ZNF263: variants seen among roughly 807,000 people sequenced by gnomAD.
The protein encoded by ZNF263 is zinc finger protein 263, also known as zinc finger protein FPM315.
A neutral mutation model predicts 63.1 loss-of-function variants in ZNF263; 49 were observed. The observed-to-expected ratio is 0.78, with a 90% confidence interval of 0.62 to 0.99. The LOEUF (loss-of-function observed/expected upper bound fraction) is 0.99, where lower values mean the gene tolerates loss of function less well. ZNF263 is among the 50% of genes least tolerant of loss of function. ZNF263 has a pLI of 0.00. For missense variants in ZNF263, 872 were observed against 854.8 expected, an observed-to-expected ratio of 1.02 and a Z score of -0.25; for synonymous variants, 352 against 324.2, an observed-to-expected ratio of 1.09 and a Z score of -0.92.
intron 2 of ZNF263, chr16:3,299,399 T>C: frequency 1.3e-6 from 2 of 1,555,158 alleles, no homozygotes; most frequent in East Asian, 4.6e-5. Context: ...TCAGGTTCCT[T>C]TTTGTAAAGA....
exon 3 of ZNF263, chr16:3,301,280 T>C (rs1295618543): frequency 6.0e-6 from 1 of 167,106 alleles, no homozygotes; most frequent in Non-Finnish European, 1.5e-5. Flanking sequence ...TTGGGATGTA[T>C]GGAGAGTTGG....
intron 2 of ZNF263, chr16:3,299,237 C>T: frequency 6.2e-7 from 1 of 1,610,886 alleles, no homozygotes; most frequent in Non-Finnish European, 8.5e-7. Flanking sequence ...TGAACAACTT[C>T]CTTTGTTATT....
intron 2 of ZNF263, chr16:3,299,717 C>T (rs1258469508): frequency 6.5e-7 from 1 of 1,535,314 alleles, no homozygotes; most frequent in Non-Finnish European, 8.7e-7. Flanking sequence ...GAAGGATGAG[C>T]CGGGCAACTG....
rs1182207603 is a variant in ZNF263, at chr16:3,283,741, C to T, written c.-78C>T. On this transcript the variant is annotated 5_prime_UTR_variant, in exon 1 of 6. Transcript: ENST00000219069. ...GGCCCCGGGCTCCTGCTGGCGCCGT[C>T]CAACCTTACATGGGTTCAGGGCGCC... 2 of 1,429,846 alleles carry T rather than the reference C, an allele frequency of 1.4e-6. No homozygotes were observed. Among genetic ancestry groups the T allele is most frequent in the Non-Finnish European group, 1.8e-6 (2 of 1,095,512 alleles). 88.6% of individuals were successfully genotyped at this position (1,429,846 alleles called of 1,614,324 possible). A position where few individuals can be genotyped will look rare whatever the true frequency, so the allele number is the denominator to read the frequency against.
chr16:3,290,070 G>A lies in ZNF263; in HGVS notation c.1564G>A (p.Glu522Lys), dbSNP rs142452283. The A allele has an allele frequency of 2.4e-5, 38 of 1,613,960 alleles. No individual in the cohort carries two copies. In the African/African-American group the frequency reaches 2.8e-4, roughly 12 times the overall value. ...HTGERPYKCP[E>K]CGKSFSRSSH... ...TGGAGAGCGACCTTATAAGTGTCCC[G>A]AGTGTGGGAAAAGTTTCTCTCGGAG... is the stretch of plus-strand genomic sequence containing the variant. Residue 522 changes from glutamate (E) to lysine (K), a missense_variant, in exon 6 of 6, where the codon GAG becomes AAG. Transcript: ENST00000219069.
chr16:3,299,028 T>C, intron 1 of ZNF263: 2 of 1,378,164 alleles, frequency 1.5e-6, no homozygotes, highest in Middle Eastern at 1.9e-4. Context: ...GAGGCCTAGG[T>C]TTCAAAAAGC....
Position 3,285,043 on chromosome 16 carries a change from G to A in ZNF263, c.388-16G>A, listed in dbSNP as rs749001124. ...GGGCCCTGTTGTGATGATGAGTGAT[G>A]TGGGTTGGTTCCCAGGTCACAAACC... On this transcript the variant is annotated splice_polypyrimidine_tract_variant and intron_variant, in intron 1 of 5. Coordinates refer to ENST00000219069, the MANE Select transcript of ZNF263 (RefSeq NM_005741.5). 2 of 1,613,662 alleles carry A rather than the reference G, an allele frequency of 1.2e-6. No individual in the cohort carries two copies. Among genetic ancestry groups the A allele is most frequent in the Non-Finnish European group, 1.7e-6 (2 of 1,179,692 alleles).
At chr16:3,291,919 G>A (rs750686827), downstream of ZNF263, among the ~76,000 whole-genome samples, 42 of 152,186 alleles carry the variant, frequency 2.8e-4, no homozygotes, top group Non-Finnish European at 3.1e-4. Context: ...AGGAGATGGC[G>A]CAATTATTAA....
chr16:3,294,890 T>A (rs1959703998), downstream of ZNF263, among the ~76,000 whole-genome samples: 1 of 152,160 alleles, frequency 6.6e-6, no homozygotes, highest in South Asian at 2.1e-4. Flanking sequence ...TTAAGGAGTA[T>A]CGTTCTGAAG....
In ZNF263 at chr16:3,285,022, C is replaced by G. The variant is rs998561144; in HGVS notation, c.388-37C>G. 11 of 1,610,186 alleles carry G rather than the reference C, an allele frequency of 6.8e-6. No individual in the cohort carries two copies. The African/African-American group carries it at 1.5e-4, about 22-fold the overall frequency. On this transcript the variant is annotated intron_variant, in intron 1 of 5. Transcript: ENST00000219069. Reference sequence around the variant, plus strand: ...ATACTAATTTCCCTTCCTCTTGGGCCCTGTTGTGATGATGAGTGATGTGGG... The same window carrying G: ...ATACTAATTTCCCTTCCTCTTGGGCGCTGTTGTGATGATGAGTGATGTGGG...
chr16:3,300,093 T>G (rs1403738066), intron 2 of ZNF263: 1 of 1,614,108 alleles, frequency 6.2e-7, no homozygotes, highest in Admixed American at 1.7e-5. Context: ...CCCCACTGTA[T>G]AGCTGAGCTA....
intron 4 of ZNF263, chr16:3,286,594 A>G (rs1206650952): frequency 6.5e-6 from 1 of 153,350 alleles, no homozygotes; most frequent in African/African-American, 2.4e-5. Flanking sequence ...TAGTAGGATC[A>G]ACATTCCAGC....
chr16:3,300,743 T>TG, intron 2 of ZNF263: 7 of 1,419,952 alleles, frequency 4.9e-6, no homozygotes, highest in Non-Finnish European at 5.6e-6. Flanking sequence ...GGCATTGTAT[T>TG]GGAGGATAAT....
At chr16:3,287,053 C>G (rs946944310) in intron 4 of ZNF263, among the ~76,000 whole-genome samples, 3 of 152,174 alleles carry the variant, frequency 2.0e-5, no homozygotes, top group Non-Finnish European at 4.4e-5. Context: ...GCACCTCAAC[C>G]AGGTGACAGA....
chr16:3,289,616 G>A lies in ZNF263; in HGVS notation c.1110G>A (p.Lys370=), dbSNP rs1392001667. ...ASSGRELGRP[K]ELQPKKLHLC... Reference sequence around the variant, plus strand: ...GTGGCAGAGAACTGGGGCGACCGAAGGAACTGCAGCCAAAGAAACTCCATT... The same window carrying A: ...GTGGCAGAGAACTGGGGCGACCGAAAGAACTGCAGCCAAAGAAACTCCATT... The change falls in exon 6 of 6, where the codon AAG becomes AAA. Residue 370 remains lysine (K), a synonymous_variant. Transcript: ENST00000219069. 1.2e-6 allele frequency: 2 copies of A among 1,614,176 alleles called. No homozygotes were observed. Among genetic ancestry groups the A allele is most frequent in the South Asian group, 2.2e-5 (2 of 91,092 alleles).
rs753278944 is a variant in ZNF263, at chr16:3,285,736, G to A, written c.624G>A (p.Lys208=). 5 of 1,614,122 alleles carry A rather than the reference G, an allele frequency of 3.1e-6. No individual in the cohort carries two copies. The highest frequency in any genetic ancestry group is 4.2e-6 in the Non-Finnish European group (5 of 1,180,022). ...CTCCTGAAGGGAACATGGAAGACAA[G>A]GAGATGACTGGGCCCCAGGTGATGT... is the stretch of plus-strand genomic sequence containing the variant. ...LFPPEGNMED[K]EMTGPQLPES... Residue 208 remains lysine, a synonymous_variant, in exon 3 of 6, where the codon AAG becomes AAA. Transcript: ENST00000219069.
rs1278851831 is a variant in ZNF263 at position 3,285,217 on chromosome 16, C to T, written c.546C>T (p.Asp182=). ...TGCTAGGCCCCAGCCCCCAAAGGGA[C>T]CCCCAGGCTGTAAAGGAGAGGGGTG... ...QELLGPSPQR[D]PQAVKERALS... is the part of the protein sequence containing the mutation. The change falls in exon 2 of 6, where the codon GAC becomes GAT. Residue 182 remains aspartate, a synonymous_variant. Coordinates refer to ENST00000219069, the MANE Select transcript of ZNF263 (RefSeq NM_005741.5). 1.9e-6 allele frequency: 3 copies of T among 1,613,166 alleles called. No individual in the cohort carries two copies. The highest frequency in any genetic ancestry group is 2.5e-6 in the Non-Finnish European group (3 of 1,179,802).
chr16:3,289,300 G>C, intron 5 of ZNF263, 93 bp from the exon 6 acceptor site: 1 of 1,388,722 alleles, frequency 7.2e-7, no homozygotes, highest in Non-Finnish European at 9.6e-7. Context: ...GCCCTTCTGG[G>C]CTGCTGACCT....
chr16:3,284,222 G>C lies in ZNF263; in HGVS notation c.387+17G>C, dbSNP rs751349417. 1.9e-5 allele frequency: 28 copies of C among 1,508,328 alleles called. No homozygotes were observed. The highest frequency in any genetic ancestry group is 2.2e-5 in the Non-Finnish European group (25 of 1,126,988). 93.4% of individuals were successfully genotyped at this position (1,508,328 alleles called of 1,614,324 possible). On this transcript the variant is annotated intron_variant, in intron 1 of 5. Transcript: ENST00000219069. ...AGACAACAGGTGAGAGAGAGAGAGA[G>C]CTGTTTTATCTGTGGTTTGTTTAGC...
Sources: allele counts gnomAD v4.1 joint callset (sites outside exome capture counted in the v4.1 genomes callset), GRCh38; gene constraint gnomAD v4.1.1; transcripts MANE v1.5; gene names NCBI Gene and HGNC (gene_info 2026-07-23, HGNC 2026-07-21).